Variants in SLC2A9 observed in about 807,000 individuals in gnomAD.
SLC2A9 encodes solute carrier family 2, facilitated glucose transporter member 9.
SLC2A9 carries 39 observed loss-of-function variants against 50.6 expected under a neutral mutation model. The ratio of observed to expected loss-of-function variants is 0.77; its 90% CI spans 0.60 to 1.01. SLC2A9 has a LOEUF of 1.01. Ranked by LOEUF, SLC2A9 falls within the 50% of genes least tolerant of loss-of-function variation. The pLI, the probability that SLC2A9 is intolerant of heterozygous loss-of-function variation, is 0.00. For synonymous variants in SLC2A9, 324 were observed against 276.9 expected (o/e 1.17, Z -1.69); for missense variants, 686 against 677.6 (o/e 1.01, Z -0.14).
At chr4:9,879,532 C>A in intron 10 of SLC2A9, 1 of 985,284 alleles carries the variant, frequency 1.0e-6, no homozygotes, top group Non-Finnish European at 1.2e-6. Flanking sequence ...AATGCTGATA[C>A]GCCCCTGCAG....
chr4:9,947,943 C>A (rs1473931914), intron 5 of SLC2A9, among the ~76,000 whole-genome samples: 1 of 152,186 alleles, frequency 6.6e-6, no homozygotes, highest in African/African-American at 2.4e-5. Flanking sequence ...TATGTCCCCT[C>A]CTCTAGGGAA....
rs77336068 is a variant in SLC2A9, at chr4:9,942,322, C to A, written c.682-277G>T. 4.9e-3 allele frequency among the ~76,000 whole-genome samples: 751 copies of A among 152,282 alleles called. 7 individuals carry two copies. Among genetic ancestry groups the A allele is most frequent in the African/African-American group, 0.017 (712 of 41,562 alleles). On this transcript the variant is annotated intron_variant, in intron 5 of 11. Transcript: ENST00000264784. The stretch of plus-strand genomic sequence containing the variant: ...AGCAGGCGGCTCTGGTTGGCCAAGG[C>A]CACTCAAGGGCTGCTTGACCCCACT...
At chr4:9,971,561 T>C (rs1365406768) in intron 5 of SLC2A9, among the ~76,000 whole-genome samples, 1 of 152,158 alleles carries the variant, frequency 6.6e-6, no homozygotes, top group East Asian at 1.9e-4. Flanking sequence ...CTAACTCCAA[T>C]TACACCTTCC....
intron 11 of SLC2A9, among the ~76,000 whole-genome samples, chr4:9,833,618 G>C (rs767665691): frequency 5.3e-5 from 8 of 152,178 alleles, no homozygotes; most frequent in Non-Finnish European, 1.2e-4. Flanking sequence ...CACCATGCTG[G>C]GGTGGCTGGG....
chr4:10,039,391 G>A (rs563120653), intron 1 of SLC2A9, among the ~76,000 whole-genome samples: 74 of 152,334 alleles, frequency 4.9e-4, no homozygotes, highest in African/African-American at 1.7e-3. Context: ...AGGGCCAGAG[G>A]AAACTGGAAG....
chr4:9,886,547 T>C (rs1051022039), intron 10 of SLC2A9, among the ~76,000 whole-genome samples: 1 of 151,908 alleles, frequency 6.6e-6, no homozygotes, highest in Non-Finnish European at 1.5e-5. Flanking sequence ...TGCCATCTTA[T>C]TATAATATCC....
chr4:9,826,715 C>T, intron 11 of SLC2A9, 115 bp from the exon 12 acceptor site: 2 of 936,394 alleles, frequency 2.1e-6, no homozygotes, highest in Non-Finnish European at 3.4e-6. Context: ...TACTCCTAGA[C>T]AAAACACCAT....
chr4:9,800,521 T>G (rs1057082011), intron 3 of SLC2A9, among the ~76,000 whole-genome samples: 5 of 152,206 alleles, frequency 3.3e-5, no homozygotes, highest in African/African-American at 7.2e-5. Flanking sequence ...TCAACCCTGA[T>G]GACACCTTGG....
intron 1 of SLC2A9, 96 bp from the exon 2 acceptor site, chr4:10,019,169 CGGA>C: frequency 3.0e-6 from 3 of 992,656 alleles, no homozygotes; most frequent in Admixed American, 2.0e-5. Flanking sequence ...GGAGGCCTTC[CGGA>C]GGAGAAGTCT....
intron 7 of SLC2A9, among the ~76,000 whole-genome samples, chr4:9,911,237 C>A (rs747418710): frequency 6.6e-6 from 1 of 152,096 alleles, no homozygotes; most frequent in African/African-American, 2.4e-5. Context: ...GATCCTCTCC[C>A]GCTGCCCAGG....
At chr4:9,976,865 T>C (rs1170742116) in intron 5 of SLC2A9, among the ~76,000 whole-genome samples, 1 of 152,212 alleles carries the variant, frequency 6.6e-6, no homozygotes, top group African/African-American at 2.4e-5. Flanking sequence ...AGTGAACTTG[T>C]CACCTTTTCC....
chr4:10,033,255 G>C (rs943038668), intron 1 of SLC2A9, among the ~76,000 whole-genome samples: 1 of 152,168 alleles, frequency 6.6e-6, no homozygotes. Context: ...TAGAGCTTCG[G>C]TATGTCACCC....
chr4:9,778,523 T>C (rs1717880431), downstream of SLC2A9, among the ~76,000 whole-genome samples: 1 of 152,186 alleles, frequency 6.6e-6, no homozygotes, highest in South Asian at 2.1e-4. Flanking sequence ...TTCCCTCACC[T>C]CTTTCACACA....
At position 9,879,301 on chromosome 4, in the gene SLC2A9, G is replaced by A. The variant is rs3762935; in HGVS notation, c.1291+8266C>T. 173 of 985,372 alleles carry A rather than the reference G, an allele frequency of 1.8e-4. 4 individuals carry two copies. In the East Asian group the frequency reaches 0.016, roughly 91 times the overall value. 61.0% of individuals were successfully genotyped at this position (985,372 alleles called of 1,614,324 possible). ...GCCACACCTCAAATGGATGAATAAG[G>A]GTGGTTGTTGCAAGAGGGGAAATAG... is the stretch of plus-strand genomic sequence containing the variant. On this transcript the variant is annotated intron_variant, in intron 10 of 11. Transcript: ENST00000264784.
At chr4:9,879,532 C>T (rs1026744374) in intron 10 of SLC2A9, 12 of 985,166 alleles carry the variant, frequency 1.2e-5, no homozygotes, top group Middle Eastern at 5.2e-4. Context: ...AATGCTGATA[C>T]GCCCCTGCAG....
downstream of SLC2A9, among the ~76,000 whole-genome samples, chr4:9,778,584 T>C (rs1717886944): frequency 6.6e-6 from 1 of 152,144 alleles, no homozygotes; most frequent in Non-Finnish European, 1.5e-5. Context: ...TCCCCACTTC[T>C]CTGCTCTTTA....
At chr4:9,893,177 G>C (rs1278228289) in intron 8 of SLC2A9, among the ~76,000 whole-genome samples, 2 of 152,092 alleles carry the variant, frequency 1.3e-5, no homozygotes, top group Non-Finnish European at 2.9e-5. Flanking sequence ...ACCTGGTCCA[G>C]CTCCCGGACC....
intron 10 of SLC2A9, among the ~76,000 whole-genome samples, chr4:9,867,488 T>C (rs1405706794): frequency 6.6e-6 from 1 of 152,180 alleles, no homozygotes; most frequent in East Asian, 1.9e-4. Context: ...ATAAATAGTA[T>C]TGGTGATAAT....
intron 2 of SLC2A9, among the ~76,000 whole-genome samples, chr4:10,016,810 T>C (rs1762688510): frequency 6.6e-6 from 1 of 152,088 alleles, no homozygotes; most frequent in South Asian, 2.1e-4. Context: ...AAATGTGAGT[T>C]GCAAACCCCC....
Sources: allele counts gnomAD v4.1 joint callset (sites outside exome capture counted in the v4.1 genomes callset), GRCh38; gene constraint gnomAD v4.1.1; transcripts MANE v1.5; gene names NCBI Gene and HGNC (gene_info 2026-07-23, HGNC 2026-07-21).